Variants in BFSP2 observed in about 807,000 individuals in gnomAD.
BFSP2 encodes the protein phakinin.
In BFSP2, 38 loss-of-function variants were observed where a neutral mutation model predicts 44.9. That is an observed-to-expected ratio of 0.85 (90% CI 0.65 to 1.11). The LOEUF (loss-of-function observed/expected upper bound fraction) is 1.11. Among genes scored for constraint, BFSP2 ranks in the 50% least tolerant of loss-of-function variants. The pLI, the probability that BFSP2 is intolerant of heterozygous loss-of-function variation, is 0.00. For synonymous variants in BFSP2, 197 were observed against 209.9 expected (o/e 0.94, Z 0.53); for missense variants, 525 against 533.0 (o/e 0.99, Z 0.15).
At chr3:133,447,217 G>C in intron 1 of BFSP2, 100 bp from the exon 2 acceptor site, 3 of 1,220,802 alleles carry the variant, frequency 2.5e-6, no homozygotes, top group Non-Finnish European at 3.6e-6. Context: ...AAGGTTCTCT[G>C]AGGTCCCCCA....
At chr3:133,463,451 A>C (rs772550166) in intron 4 of BFSP2, among the ~76,000 whole-genome samples, 4 of 152,218 alleles carry the variant, frequency 2.6e-5, no homozygotes, top group Non-Finnish European at 5.9e-5. Context: ...TGCTTCTGGG[A>C]TCTTTCATCC....
intron 6 of BFSP2, 132 bp from the exon 7 acceptor site, chr3:133,474,837 T>G: frequency 7.9e-7 from 1 of 1,272,140 alleles, no homozygotes; most frequent in Non-Finnish European, 1.1e-6. Flanking sequence ...AGTAATTATT[T>G]AAAACCCAAA....
chr3:133,415,535 G>C (rs375354023), intron 1 of BFSP2, among the ~76,000 whole-genome samples: 9 of 35,006 alleles, frequency 2.6e-4, no homozygotes, highest in South Asian at 1.3e-3. Flanking sequence ...CCTCTACTCA[G>C]CCATGTTCTC....
intron 4 of BFSP2, among the ~76,000 whole-genome samples, chr3:133,456,327 GT>G (rs1287514413): frequency 6.6e-6 from 1 of 152,202 alleles, no homozygotes; most frequent in Non-Finnish European, 1.5e-5. Context: ...GAGGTTTCTG[GT>G]TGTTGATAGT....
chr3:133,424,220 T>TGTGTGTGTGTGTG (rs1553778827), intron 1 of BFSP2, among the ~76,000 whole-genome samples: 2 of 62,798 alleles, frequency 3.2e-5, no homozygotes, highest in African/African-American at 1.1e-4. Flanking sequence ...TAATTTTTTT[T>TGTGTGTGTGTGTG]TTTTTTTTTT....
chr3:133,408,597 C>A (rs983645796), intron 1 of BFSP2, among the ~76,000 whole-genome samples: 13 of 152,150 alleles, frequency 8.5e-5, no homozygotes, highest in Admixed American at 8.5e-4. Context: ...TCTGTAATAC[C>A]AAAATACTGG....
intron 1 of BFSP2, chr3:133,445,647 A>G (rs2107920922): frequency 6.6e-6 from 1 of 152,276 alleles, no homozygotes; most frequent in East Asian, 1.9e-4. Flanking sequence ...TTTTCTTGTC[A>G]TTATTTTCTA....
chr3:133,434,857 G>A (rs1286282554), intron 1 of BFSP2, among the ~76,000 whole-genome samples: 14 of 151,210 alleles, frequency 9.3e-5, no homozygotes, highest in Non-Finnish European at 1.3e-4. Flanking sequence ...CTTATAAAAC[G>A]GCCCCACCCC....
At chr3:133,414,673 TCCTCTACTCACC>T (rs2073493346) in intron 1 of BFSP2, among the ~76,000 whole-genome samples, 1 of 23,918 alleles carries the variant, frequency 4.2e-5, no homozygotes, top group Non-Finnish European at 8.3e-5. Flanking sequence ...CTCTACTCAC[TCCTCTACTCACC>T]CTGCCATCTC....
Position 133,447,363 on chromosome 3 carries a change from A to G in BFSP2, c.536A>G (p.Glu179Gly). 6.2e-7 allele frequency: 1 copy of G among 1,614,028 alleles called. No individual in the cohort carries two copies. Among genetic ancestry groups the G allele is most frequent in the African/African-American group, 1.3e-5 (1 of 75,000 alleles). The change falls in exon 2 of 7, where the codon GAA (glutamate) becomes GGA (glycine). Residue 179 changes from glutamate (E) to glycine (G), a missense_variant. Coordinates refer to ENST00000302334, the MANE Select transcript of BFSP2 (RefSeq NM_003571.4). Reference sequence around the variant, plus strand: ...AATGCCCGGCTCATGCTGCAGACAGAAACTATCCAGGCCGGAGCAGATGAC... The same window carrying G: ...AATGCCCGGCTCATGCTGCAGACAGGAACTATCCAGGCCGGAGCAGATGAC... ...LENARLMLQT[E>G]TIQAGADDFK...
In BFSP2 at chr3:133,448,510, T is replaced by G. The variant is rs2073924488; in HGVS notation, c.594T>G (p.Phe198Leu). 3 of 1,613,952 alleles carry G rather than the reference T, an allele frequency of 1.9e-6. No homozygotes were observed. The African/African-American group carries it at 4.0e-5, about 22-fold the overall frequency. Residue 198 changes from phenylalanine to leucine, a missense_variant, in exon 3 of 7, where the codon TTT becomes TTG. Phe to Leu is a conservative substitution (Grantham distance 22). Coordinates refer to ENST00000302334, the MANE Select transcript of BFSP2 (RefSeq NM_003571.4). ...FKERYENEQP[F>L]RKAAEEEINS... ...GCAGATATGAAAATGAGCAGCCATT[T>G]CGAAAGGCGGCAGAAGAGGAAATTA...
intron 1 of BFSP2, among the ~76,000 whole-genome samples, chr3:133,428,744 G>C (rs568115822): frequency 6.6e-6 from 1 of 152,198 alleles, no homozygotes; most frequent in Non-Finnish European, 1.5e-5. Context: ...CTGGGACTGC[G>C]TCCACATGAC....
intron 1 of BFSP2, among the ~76,000 whole-genome samples, chr3:133,427,414 T>C (rs759457465): frequency 6.6e-5 from 10 of 152,256 alleles, no homozygotes; most frequent in African/African-American, 1.7e-4. Context: ...ATAAATACGA[T>C]GTCTGGTGAA....
At chr3:133,442,293 G>A (rs537896982) in intron 1 of BFSP2, among the ~76,000 whole-genome samples, 1 of 152,212 alleles carries the variant, frequency 6.6e-6, no homozygotes, top group South Asian at 2.1e-4. Context: ...TGCACATCAT[G>A]ACACCTGGAT....
chr3:133,411,482 G>A (rs1048106508), intron 1 of BFSP2, among the ~76,000 whole-genome samples: 2 of 152,088 alleles, frequency 1.3e-5, no homozygotes, highest in African/African-American at 2.4e-5. Context: ...ACCAGCAGCC[G>A]TTCTGCATCT....
At chr3:133,430,779 T>A (rs1285954331) in intron 1 of BFSP2, among the ~76,000 whole-genome samples, 1 of 152,052 alleles carries the variant, frequency 6.6e-6, no homozygotes, top group Non-Finnish European at 1.5e-5. Flanking sequence ...CTAATCTTCC[T>A]TTTCTACAGA....
intron 4 of BFSP2, among the ~76,000 whole-genome samples, chr3:133,458,282 C>T (rs1276493028): frequency 1.3e-5 from 2 of 152,130 alleles, no homozygotes; most frequent in Non-Finnish European, 2.9e-5. Context: ...CCAGTTGGTG[C>T]GGCTGCAAAG....
chr3:133,423,055 G>A (rs1169798435), intron 1 of BFSP2, among the ~76,000 whole-genome samples: 3 of 152,166 alleles, frequency 2.0e-5, no homozygotes, highest in African/African-American at 7.2e-5. Flanking sequence ...AATCCTAAGA[G>A]CAGAGGTATA....
intron 1 of BFSP2, among the ~76,000 whole-genome samples, chr3:133,417,861 C>A (rs2073556867): frequency 6.9e-6 from 1 of 145,364 alleles, no homozygotes; most frequent in Admixed American, 6.8e-5. Context: ...CCCCTCTACT[C>A]ACCTCTGTCC....
Sources: allele counts gnomAD v4.1 joint callset (sites outside exome capture counted in the v4.1 genomes callset), GRCh38; gene constraint gnomAD v4.1.1; transcripts MANE v1.5; gene names NCBI Gene and HGNC (gene_info 2026-07-23, HGNC 2026-07-21).